CWH43: variants seen among roughly 807,000 people sequenced by gnomAD.
CWH43 encodes the protein cell wall biogenesis 43 C-terminal homolog.
In CWH43, 91 loss-of-function variants were observed where a neutral mutation model predicts 85.7. The observed-to-expected ratio is 1.06, with a 90% CI of 0.90 to 1.26. CWH43 has a LOEUF of 1.26. Among genes scored for constraint, CWH43 ranks in the 50% most tolerant of loss-of-function variants. The pLI is 0.00. For synonymous variants in CWH43, 323 were observed against 293.6 expected, an observed-to-expected ratio of 1.10 and a Z score of -1.02; for missense variants, 869 against 839.2, an observed-to-expected ratio of 1.04 and a Z score of -0.44.
chr4:49,027,787 G>A (rs558665772), intron 9 of CWH43, among the ~76,000 whole-genome samples: 5 of 152,192 alleles, frequency 3.3e-5, no homozygotes, highest in African/African-American at 9.6e-5. Flanking sequence ...TTATTCTTCT[G>A]ATTTTTTTTG....
intron 9 of CWH43, among the ~76,000 whole-genome samples, chr4:49,021,688 T>C (rs1783755361): frequency 6.6e-6 from 1 of 152,168 alleles, no homozygotes; most frequent in Non-Finnish European, 1.5e-5. Context: ...TGAGCATGGA[T>C]ATGTTTGCAT....
chr4:49,031,274 C>A (rs1784087360), intron 11 of CWH43: 1 of 236,634 alleles, frequency 4.2e-6, no homozygotes, highest in Non-Finnish European at 8.1e-6. Context: ...TCAACATGTA[C>A]ACAAAAAAAT....
At chr4:49,061,762 G>T in intron 15 of CWH43, 50 bp from the exon 16 acceptor site, 2 of 1,243,266 alleles carry the variant, frequency 1.6e-6, no homozygotes, top group South Asian at 1.6e-5. Flanking sequence ...ATACCTTTCT[G>T]AATGGTTTTT....
intron 4 of CWH43, among the ~76,000 whole-genome samples, chr4:48,994,132 T>C (rs1268105162): frequency 6.6e-6 from 1 of 152,202 alleles, no homozygotes; most frequent in Admixed American, 6.5e-5. Context: ...TTAAATGAGT[T>C]AATATAAAGT....
chr4:49,052,999 A>T (rs1405786544), intron 15 of CWH43, among the ~76,000 whole-genome samples: 2 of 151,936 alleles, frequency 1.3e-5, no homozygotes, highest in Non-Finnish European at 2.9e-5. Context: ...CATGAGTTCA[A>T]TTTTTTCAGA....
chr4:49,047,529 C>T (rs1178450200), intron 14 of CWH43, among the ~76,000 whole-genome samples: 1 of 152,074 alleles, frequency 6.6e-6, no homozygotes, highest in Non-Finnish European at 1.5e-5. Context: ...AAGAAGATGA[C>T]ATTTCAGCCA....
intron 7 of CWH43, among the ~76,000 whole-genome samples, chr4:49,004,866 AC>A (rs1441257061): frequency 6.6e-6 from 1 of 152,192 alleles, no homozygotes; most frequent in Admixed American, 6.6e-5. Context: ...TGATTCACAT[AC>A]CAAAATTATA....
chr4:48,994,716 T>C lies in CWH43; in HGVS notation c.609T>C (p.Gly203=). 1 of 1,614,208 alleles carries C rather than the reference T, an allele frequency of 6.2e-7. No individual in the cohort carries two copies. The highest frequency in any genetic ancestry group is 1.1e-5 in the South Asian group (1 of 91,082). The change falls in exon 5 of 16, where the codon GGT becomes GGC. Residue 203 remains glycine (G), a synonymous_variant. Transcript: ENST00000226432. ...GGCTGCTGGCAGGGGCTGCTTTTGG[T>C]AGCCTTGTGTTCCTCACCCACTGGG... ...PNWLLAGAAF[G]SLVFLTHWVF... is the part of the protein sequence containing the mutation.
At position 49,032,643 on chromosome 4, in the gene CWH43, C is replaced by T. The variant is rs1784133645; in HGVS notation, c.1586C>T (p.Pro529Leu). The part of the protein sequence containing the change: ...LLPSPEGEIA[P>L]AITLTVNISG... ...CCGTCACCAGAGGGCGAGATCGCAC[C>T]AGCCATCACATTGACCGTTAACATT... Residue 529 changes from proline to leucine, a missense_variant, in exon 12 of 16, where the codon CCA (proline) becomes CTA (leucine). Pro to Leu is a moderately conservative substitution (Grantham distance 98, BLOSUM62 -3). Around this residue, in one of 3 missense-constraint regions of CWH43, gnomAD observed 577 missense variants for 513.1 expected, o/e 1.12. Coordinates refer to ENST00000226432, the MANE Select transcript of CWH43 (RefSeq NM_025087.3). 1 of 1,614,020 alleles carries T rather than the reference C, an allele frequency of 6.2e-7. No individual in the cohort carries two copies. Among genetic ancestry groups the T allele is most frequent in the Middle Eastern group, 1.6e-4 (1 of 6,062 alleles).
At chr4:49,031,235 G>C (rs1201800979) in intron 11 of CWH43, 6 of 328,526 alleles carry the variant, frequency 1.8e-5, no homozygotes, top group Non-Finnish European at 3.3e-5. Flanking sequence ...TGTCCTCATG[G>C]AGCTTACCTT....
intron 7 of CWH43, among the ~76,000 whole-genome samples, chr4:49,005,769 G>A (rs1442702383): frequency 6.6e-6 from 1 of 151,814 alleles, no homozygotes; most frequent in Non-Finnish European, 1.5e-5. Flanking sequence ...TCGAACTCCT[G>A]GGCTTACGCA....
chr4:49,004,477 C>T (rs1281841665), intron 7 of CWH43, among the ~76,000 whole-genome samples: 2 of 152,150 alleles, frequency 1.3e-5, no homozygotes, highest in Non-Finnish European at 2.9e-5. Context: ...GCCTTGAGCT[C>T]CTGGGCTCAA....
At position 49,062,049 on chromosome 4, in the gene CWH43, C is replaced by T. The variant is rs372525592; in HGVS notation, c.*159C>T. On this transcript the variant is annotated 3_prime_UTR_variant, in exon 16 of 16. Coordinates refer to ENST00000226432, the MANE Select transcript of CWH43 (RefSeq NM_025087.3). ...GTGGGAAATTACCTCCATTTGTAAA[C>T]TATGTTGCTTAATAAAAACATTTCT... is the stretch of plus-strand genomic sequence containing the variant. The T allele has an allele frequency of 5.0e-6, 2 of 401,330 alleles. No individual in the cohort carries two copies. The highest frequency in any genetic ancestry group is 8.0e-6 in the Non-Finnish European group (2 of 250,706). 24.9% of individuals were successfully genotyped at this position (401,330 alleles called of 1,614,324 possible).
At chr4:49,024,345 T>G (rs1783839357) in intron 9 of CWH43, among the ~76,000 whole-genome samples, 2 of 152,226 alleles carry the variant, frequency 1.3e-5, no homozygotes, top group South Asian at 4.1e-4. Flanking sequence ...TTACATTTAA[T>G]GTTAGTATTG....
intron 15 of CWH43, 58 bp downstream of exon 15, chr4:49,050,907 T>G: frequency 1.3e-5 from 16 of 1,209,266 alleles, no homozygotes; most frequent in Non-Finnish European, 1.9e-5. Context: ...CTATGGAACC[T>G]ACATATTACC....
intron 9 of CWH43, among the ~76,000 whole-genome samples, chr4:49,020,096 G>A (rs983216496): frequency 6.6e-6 from 1 of 151,812 alleles, no homozygotes; most frequent in Non-Finnish European, 1.5e-5. Flanking sequence ...TGAGATTTTG[G>A]TGCAGTCATC....
chr4:49,020,832 T>C (rs1783729937), intron 9 of CWH43, among the ~76,000 whole-genome samples: 3 of 152,238 alleles, frequency 2.0e-5, no homozygotes, highest in Admixed American at 6.5e-5. Context: ...TTTTTCCATA[T>C]GTTTTTTGGC....
chr4:49,052,396 G>A (rs549316862), intron 15 of CWH43, among the ~76,000 whole-genome samples: 1 of 152,170 alleles, frequency 6.6e-6, no homozygotes, highest in Non-Finnish European at 1.5e-5. Flanking sequence ...GCTATGTGAG[G>A]TATGAATGGC....
rs149149699 is a variant in CWH43, at chr4:49,017,439, G to A, written c.1266+111G>A. ...TGGATCTGATGACTTCAGAGCCCTG[G>A]GCCCTATCTCCTTAACCCTTATGTG... is the stretch of plus-strand genomic sequence containing the variant. On this transcript the variant is annotated intron_variant, in intron 9 of 15. Coordinates refer to ENST00000226432, the MANE Select transcript of CWH43 (RefSeq NM_025087.3). The A allele has an allele frequency of 7.6e-5, 53 of 699,892 alleles. No homozygotes were observed. The African/African-American group carries it at 8.0e-4, about 11-fold the overall frequency. The allele number at this position is 699,892 out of a possible 1,614,324, so 43.4% of individuals were successfully genotyped here.
Sources: allele counts gnomAD v4.1 joint callset (sites outside exome capture counted in the v4.1 genomes callset), GRCh38; gene constraint gnomAD v4.1.1; regional missense constraint gnomAD v4.1.1; transcripts MANE v1.5; gene names NCBI Gene and HGNC (gene_info 2026-07-23, HGNC 2026-07-21).